TAF3: variants seen among roughly 807,000 people sequenced by gnomAD.
The protein encoded by TAF3 is TATA-box binding protein associated factor 3.
In TAF3, 7 loss-of-function variants were observed where a neutral mutation model predicts 80.6. That is an observed-to-expected ratio of 0.09 (90% CI 0.05 to 0.16). The LOEUF is 0.16. TAF3 is among the 10% of genes least tolerant of loss of function. The pLI is 1.00. For synonymous variants in TAF3, 444 were observed against 446.1 expected (o/e 1.00, Z 0.06); for missense variants, 921 against 1,140.2 (o/e 0.81, Z 2.77).
intron 3 of TAF3, among the ~76,000 whole-genome samples, chr10:7,969,332 A>G (rs1831601039): frequency 6.6e-6 from 1 of 152,104 alleles, no homozygotes; most frequent in African/African-American, 2.4e-5. Flanking sequence ...TATATTATCC[A>G]ATTGCAGTCA....
chr10:7,823,514 T>C (rs1836709508), intron 1 of TAF3, among the ~76,000 whole-genome samples: 1 of 152,004 alleles, frequency 6.6e-6, no homozygotes, highest in South Asian at 2.1e-4. Context: ...CATGTGCTTA[T>C]AGTCCCAGCT....
intron 4 of TAF3, among the ~76,000 whole-genome samples, chr10:8,008,092 C>CTTTTT (rs1162726965): frequency 7.5e-5 from 8 of 106,036 alleles, no homozygotes; most frequent in Non-Finnish European, 1.1e-4. Flanking sequence ...TGGGAACAAT[C>CTTTTT]TTTTTTTTTT....
At chr10:7,904,377 G>A (rs113818169) in intron 2 of TAF3, among the ~76,000 whole-genome samples, 47 of 152,250 alleles carry the variant, frequency 3.1e-4, no homozygotes, top group African/African-American at 1.1e-3. Context: ...GATCTTTGAT[G>A]TATTTTTTTC....
intron 4 of TAF3, among the ~76,000 whole-genome samples, chr10:7,982,577 T>C (rs1029460386): frequency 6.6e-6 from 1 of 152,082 alleles, no homozygotes; most frequent in Non-Finnish European, 1.5e-5. Context: ...TTTTTGTAGT[T>C]TTAGTAGAGA....
chr10:7,935,071 G>A (rs1335135831), intron 2 of TAF3, among the ~76,000 whole-genome samples: 1 of 152,102 alleles, frequency 6.6e-6, no homozygotes, highest in East Asian at 1.9e-4. Flanking sequence ...GAGGTCAGGA[G>A]TTCAAGACCA....
intron 4 of TAF3, among the ~76,000 whole-genome samples, chr10:8,007,311 G>T (rs1832003916): frequency 6.6e-6 from 1 of 151,970 alleles, no homozygotes; most frequent in Non-Finnish European, 1.5e-5. Context: ...GTGACATTGT[G>T]TGTATAAAAG....
intron 2 of TAF3, among the ~76,000 whole-genome samples, chr10:7,830,898 C>T (rs777560052): frequency 6.6e-6 from 1 of 152,116 alleles, no homozygotes; most frequent in Non-Finnish European, 1.5e-5. Context: ...TTGGATGTTG[C>T]GCATTGTGCA....
chr10:7,898,614 C>T (rs1042584774), intron 2 of TAF3, among the ~76,000 whole-genome samples: 1 of 150,394 alleles, frequency 6.6e-6, no homozygotes, highest in Non-Finnish European at 1.5e-5. Flanking sequence ...TGGTGTGTGA[C>T]AGCCTCTCTC....
At chr10:7,886,222 C>A (rs1837407936) in intron 2 of TAF3, among the ~76,000 whole-genome samples, 1 of 152,158 alleles carries the variant, frequency 6.6e-6, no homozygotes, top group Non-Finnish European at 1.5e-5. Flanking sequence ...AGACACCACA[C>A]CTGGCCCTGT....
At chr10:7,932,694 T>TG (rs1309641978) in intron 2 of TAF3, among the ~76,000 whole-genome samples, 29 of 119,920 alleles carry the variant, frequency 2.4e-4, no homozygotes, top group African/African-American at 9.6e-4. Flanking sequence ...TTTTTTTTTT[T>TG]GGAGAGAGGG....
At chr10:7,829,029 CAAAAAAAAAAAAAAAAA>C (rs59969868) in intron 2 of TAF3, among the ~76,000 whole-genome samples, 1 of 66,834 alleles carries the variant, frequency 1.5e-5, no homozygotes, top group East Asian at 5.4e-4. Flanking sequence ...GACTCCGTCT[CAAAAAAAAAAAAAAAAA>C]AAAAAAAAAA....
chr10:7,962,280 C>T (rs1831515054), intron 2 of TAF3, among the ~76,000 whole-genome samples: 1 of 152,182 alleles, frequency 6.6e-6, no homozygotes, highest in Non-Finnish European at 1.5e-5. Flanking sequence ...TTCCACTGTT[C>T]TAGCTCTGAC....
At chr10:7,952,447 G>A (rs138927463) in intron 2 of TAF3, among the ~76,000 whole-genome samples, 8 of 152,320 alleles carry the variant, frequency 5.3e-5, no homozygotes, top group Non-Finnish European at 1.0e-4. Context: ...CAGAATGCTT[G>A]TGTGGTGTCA....
At chr10:7,928,463 A>T (rs765246816) in intron 2 of TAF3, among the ~76,000 whole-genome samples, 8 of 152,192 alleles carry the variant, frequency 5.3e-5, no homozygotes, top group Non-Finnish European at 1.2e-4. Flanking sequence ...ATTTATGGAA[A>T]TCTTCAAATT....
chr10:7,946,267 C>T (rs1838023318), intron 2 of TAF3, among the ~76,000 whole-genome samples: 1 of 152,230 alleles, frequency 6.6e-6, no homozygotes, highest in Non-Finnish European at 1.5e-5. Flanking sequence ...CCTTCACCTG[C>T]TCCTTCCCAT....
chr10:7,996,212 C>T (rs1475242065), intron 4 of TAF3, among the ~76,000 whole-genome samples: 1 of 152,100 alleles, frequency 6.6e-6, no homozygotes, highest in Non-Finnish European at 1.5e-5. Context: ...GTGACTGGGA[C>T]CATAGGCATC....
At chr10:7,903,239 A>G (rs746411872) in intron 2 of TAF3, among the ~76,000 whole-genome samples, 22 of 152,088 alleles carry the variant, frequency 1.4e-4, no homozygotes, top group Non-Finnish European at 2.8e-4. Context: ...GTAATAATCC[A>G]TTTCTGTCAT....
intron 2 of TAF3, among the ~76,000 whole-genome samples, chr10:7,935,050 G>T (rs2131200511): frequency 6.6e-6 from 1 of 152,236 alleles, no homozygotes; most frequent in South Asian, 2.1e-4. Flanking sequence ...GCCAAGGACG[G>T]TGGATCACTT....
chr10:7,975,846 G>T (rs993765583), intron 3 of TAF3, among the ~76,000 whole-genome samples: 1 of 152,162 alleles, frequency 6.6e-6, no homozygotes, highest in African/African-American at 2.4e-5. Context: ...GTTCAATTAT[G>T]ATGTAATTCA....
Sources: allele counts gnomAD v4.1 joint callset (sites outside exome capture counted in the v4.1 genomes callset), GRCh38; gene constraint gnomAD v4.1.1; transcripts MANE v1.5; gene names NCBI Gene and HGNC (gene_info 2026-07-23, HGNC 2026-07-21).